ABCC9: variants seen among roughly 807,000 people sequenced by gnomAD.
The protein encoded by ABCC9 is ATP-binding cassette sub-family C member 9.
ABCC9 carries 95 observed loss-of-function variants against 188.3 expected under a neutral mutation model. That is an observed-to-expected ratio of 0.50 (90% CI 0.43 to 0.60). The LOEUF is 0.60. Among genes scored for constraint, ABCC9 ranks in the 20% least tolerant of loss-of-function variants. The probability of loss-of-function intolerance (pLI) is 0.00; values close to 1 mark genes in which losing one functional copy is unlikely to be tolerated. For synonymous variants in ABCC9, 659 were observed against 652.7 expected, an observed-to-expected ratio of 1.01 and a Z score of -0.15; for missense variants, 1,102 against 1,876.3, an observed-to-expected ratio of 0.59 and a Z score of 7.62.
intron 1 of ABCC9, 60 bp from the exon 2 acceptor site, chr12:21,940,885 C>T (rs944989849): frequency 6.6e-6 from 1 of 152,072 alleles, no homozygotes; most frequent in South Asian, 2.1e-4. Context: ...CTTGAACATA[C>T]AAGAATTGTC....
At position 21,894,098 on chromosome 12, in the gene ABCC9, T is replaced by C. The variant is rs1387068057; in HGVS notation, c.1736A>G (p.His579Arg). 3 of 1,614,036 alleles carry C rather than the reference T, an allele frequency of 1.9e-6. No homozygotes were observed. The highest frequency in any genetic ancestry group is 8.5e-7 in the Non-Finnish European group (1 of 1,180,000). ...CAGGAACAGTGGTGTGACCAGGATA[T>C]GGAAGAGAGACAGTGAAGCAAAGGC... ...AEAFASLSLF[H>R]ILVTPLFLLS... Residue 579 changes from histidine (H) to arginine (R), a missense_variant, in exon 14 of 40, where the codon CAT becomes CGT. His to Arg is a conservative substitution (Grantham distance 29). Transcript: ENST00000261200.
chr12:21,923,668 A>G (rs1354913484), intron 5 of ABCC9: 3 of 580,982 alleles, frequency 5.2e-6, no homozygotes, highest in Non-Finnish European at 9.2e-6. Context: ...ACACCTTGTT[A>G]GTGAGTATAA....
intron 14 of ABCC9, among the ~76,000 whole-genome samples, chr12:21,889,690 T>A (rs957020813): frequency 5.3e-5 from 8 of 152,168 alleles, no homozygotes; most frequent in Non-Finnish European, 8.8e-5. Context: ...AAATCACGAA[T>A]CTTTCCAGTA....
At chr12:21,841,158 T>A (rs1944364732) in intron 29 of ABCC9, among the ~76,000 whole-genome samples, 1 of 152,156 alleles carries the variant, frequency 6.6e-6, no homozygotes, top group Non-Finnish European at 1.5e-5. Flanking sequence ...TTTGTTGAAA[T>A]AACAAACTTT....
At chr12:21,856,776 G>C (rs930371905) in intron 22 of ABCC9, among the ~76,000 whole-genome samples, 1 of 152,244 alleles carries the variant, frequency 6.6e-6, no homozygotes, top group South Asian at 2.1e-4. Flanking sequence ...GGATAACAGG[G>C]AGTGAGTGAG....
rs1399737668 is a variant in ABCC9 at position 21,798,411 on chromosome 12, C to T, written c.*2633G>A. The T allele has an allele frequency of 1.3e-5, 2 of 150,608 alleles. No individual in the cohort carries two copies. The highest frequency in any genetic ancestry group is 4.9e-5 in the African/African-American group (2 of 40,798). 9.3% of individuals were successfully genotyped at this position (150,608 alleles called of 1,614,324 possible). A position where few individuals can be genotyped will look rare whatever the true frequency, so the allele number is the denominator to read the frequency against. ...TTTTGATTTGCATTTCTCTGATGGC[C>T]AGTGATGATGAGCATTTTTTCATGT... On this transcript the variant is annotated 3_prime_UTR_variant, in exon 40 of 40. Transcript: ENST00000261200.
chr12:21,873,364 C>A (rs1461702741), intron 17 of ABCC9, among the ~76,000 whole-genome samples: 1 of 151,842 alleles, frequency 6.6e-6, no homozygotes, highest in Non-Finnish European at 1.5e-5. Context: ...ATAAAACTAA[C>A]CAAGGAAGTG....
Position 21,939,029 on chromosome 12 carries a change from A to T in ABCC9, c.-21+1681T>A, listed in dbSNP as rs561852139. ...CGTCAGAAACAGTTTCTGTGGTTTT[A>T]TTTAGACTGTATGAATCAGATTACA... On this transcript the variant is annotated intron_variant, in intron 2 of 39. Coordinates refer to ENST00000261200, the MANE Select transcript of ABCC9 (RefSeq NM_020297.4). 2.0e-5 allele frequency among the ~76,000 whole-genome samples: 3 copies of T among 152,336 alleles called. No individual in the cohort carries two copies. The South Asian group carries it at 6.2e-4, about 32-fold the overall frequency.
At chr12:21,915,641 G>T in intron 7 of ABCC9, 27 bp downstream of exon 7, 1 of 1,607,772 alleles carries the variant, frequency 6.2e-7, no homozygotes. Context: ...CTGTAATTAA[G>T]CACATGGAAG....
At chr12:21,845,256 T>C (rs753933650) in intron 26 of ABCC9, among the ~76,000 whole-genome samples, 2 of 152,140 alleles carry the variant, frequency 1.3e-5, no homozygotes, top group South Asian at 4.1e-4. Flanking sequence ...AATATACTGA[T>C]GTAGGTAGTT....
Position 21,818,154 on chromosome 12 carries a change from A to T in ABCC9, c.3767T>A (p.Leu1256His). Residue 1256 changes from leucine to histidine, a missense_variant, in exon 32 of 40, where the codon CTT becomes CAT. Leu to His is a moderately conservative substitution (Grantham distance 99, BLOSUM62 -3). Transcript: ENST00000261200. Reference protein sequence around the residue: ...GLVGLGLLYALTITNYLNWVV... With the variant: ...GLVGLGLLYAHTITNYLNWVV... ...AATATTTTTATCCATACCTACCGTA[A>T]GTGCATACAGAAGACCCAAGCCTAC... 6.2e-7 allele frequency: 1 copy of T among 1,607,456 alleles called. No homozygotes were observed. Among genetic ancestry groups the T allele is most frequent in the Non-Finnish European group, 8.5e-7 (1 of 1,173,968 alleles).
intron 28 of ABCC9, 90 bp downstream of exon 28, chr12:21,844,393 T>C: frequency 9.1e-7 from 1 of 1,095,402 alleles, no homozygotes; most frequent in Non-Finnish European, 1.4e-6. Flanking sequence ...AATCCTCTAT[T>C]GTTAATAGGA....
intron 36 of ABCC9, among the ~76,000 whole-genome samples, chr12:21,811,613 C>T (rs1942245651): frequency 6.6e-6 from 1 of 151,866 alleles, no homozygotes; most frequent in African/African-American, 2.4e-5. Flanking sequence ...AACCCTGAAC[C>T]AGGTATGAAG....
chr12:21,828,074 C>G lies in ABCC9; in HGVS notation c.3669+884G>C, dbSNP rs148148025. Among the ~76,000 whole-genome samples, 5 of 152,304 alleles carry G rather than the reference C, an allele frequency of 3.3e-5. No individual in the cohort carries two copies. The East Asian group carries it at 9.6e-4, about 29-fold the overall frequency. The stretch of plus-strand genomic sequence containing the variant: ...ACGCAATTAGTGGAAATAAGATTCT[C>G]TCAATAGTAGAGATAAACATGCTTT... On this transcript the variant is annotated intron_variant, in intron 31 of 39. Transcript: ENST00000261200.
In ABCC9 at chr12:21,818,283, T is replaced by A. The variant is rs829078; in HGVS notation, c.3670-32A>T. 5.9e-4 allele frequency: 931 copies of A among 1,577,062 alleles called. 4 individuals are homozygous for A. In the African/African-American group the frequency reaches 8.2e-3, roughly 14 times the overall value. On this transcript the variant is annotated intron_variant, in intron 31 of 39. Coordinates refer to ENST00000261200, the MANE Select transcript of ABCC9 (RefSeq NM_020297.4). ...AAAAGCAAGAGAAAATGTTAAAAGG[T>A]TACTCCCAAGTTCTTAAACCAAGTT...
chr12:21,842,209 G>T, intron 29 of ABCC9, 105 bp downstream of exon 29: 1 of 1,392,302 alleles, frequency 7.2e-7, no homozygotes, highest in Non-Finnish European at 9.9e-7. Context: ...TTCGTGGAAT[G>T]TTTTCTTTCC....
At chr12:21,875,934 A>AG (rs1190231525) in intron 16 of ABCC9, among the ~76,000 whole-genome samples, 1 of 152,066 alleles carries the variant, frequency 6.6e-6, no homozygotes, top group African/African-American at 2.4e-5. Context: ...AATACAAAAA[A>AG]TTAGCCGGGC....
chr12:21,816,385 A>G (rs1942647576), intron 33 of ABCC9, among the ~76,000 whole-genome samples: 1 of 152,116 alleles, frequency 6.6e-6, no homozygotes, highest in Non-Finnish European at 1.5e-5. Flanking sequence ...GTCAGCACCT[A>G]CAGTACTACA....
intron 5 of ABCC9, 43 bp downstream of exon 5, chr12:21,925,899 A>C (rs775998543): frequency 6.3e-7 from 1 of 1,586,256 alleles, no homozygotes; most frequent in Non-Finnish European, 8.7e-7. Context: ...GGGGAAAAAC[A>C]AATATCTCTT....
Sources: gnomAD v4.1 joint callset for allele counts (sites outside exome capture counted in the v4.1 genomes callset) on GRCh38, gnomAD v4.1.1 for gene constraint, MANE v1.5 for transcripts, NCBI Gene and HGNC (gene_info 2026-07-23, HGNC 2026-07-21) for gene names.